The following FOXN2 variants were observed in gnomAD, a reference collection of about 807,000 sequenced individuals.
The protein encoded by FOXN2 is forkhead box N2, also known as forkhead box protein N2.
A neutral mutation model predicts 41.2 loss-of-function variants in FOXN2; 19 were observed. The ratio of observed to expected loss-of-function variants is 0.46; its 90% confidence interval spans 0.32 to 0.68. FOXN2 has a LOEUF of 0.68. Among genes scored for constraint, FOXN2 ranks in the 30% least tolerant of loss-of-function variants. FOXN2 has a pLI of 0.03. For synonymous variants in FOXN2, 195 were observed against 176.8 expected, an observed-to-expected ratio of 1.10 and a Z score of -0.82; for missense variants, 587 against 509.4, an observed-to-expected ratio of 1.15 and a Z score of -1.47.
At chr2:48,314,013 CGTAA>C (rs1296434068), upstream of FOXN2, among the ~76,000 whole-genome samples, 1 of 152,166 alleles carries the variant, frequency 6.6e-6, no homozygotes, top group Non-Finnish European at 1.5e-5. Flanking sequence ...GGATTTGATC[CGTAA>C]GTCTTTTTTT....
Position 48,346,230 on chromosome 2 carries a change from G to A in FOXN2, c.16G>A (p.Gly6Arg), listed in dbSNP as rs1158294610. 1.9e-6 allele frequency: 3 copies of A among 1,606,788 alleles called. No individual in the cohort carries two copies. Among genetic ancestry groups the A allele is most frequent in the Non-Finnish European group, 1.7e-6 (2 of 1,177,140 alleles). MGPVI[G>R]MTPDKRAETP... ...GTAAGAGTAAATGGGTCCAGTAATT[G>A]GAATGACTCCAGATAAGAGAGCTGA... Residue 6 changes from glycine (G) to arginine (R), a missense_variant, in exon 3 of 7, where the codon GGA becomes AGA. Transcript: ENST00000340553.
Position 48,357,676 on chromosome 2 carries a change from A to G in FOXN2, c.538-1371A>G, listed in dbSNP as rs113111646. Among the ~76,000 whole-genome samples, 1,451 of 151,998 alleles carry G rather than the reference A, an allele frequency of 9.5e-3. 28 individuals carry two copies. Among genetic ancestry groups the G allele is most frequent in the African/African-American group, 0.029 (1,182 of 41,456 alleles). The stretch of plus-strand genomic sequence containing the variant: ...GCTCTTGAACTCCTGAGCACAAGCA[A>G]TCACCTTCGCCGGCTTCCCAAAGTG... On this transcript the variant is annotated intron_variant, in intron 3 of 6. Transcript: ENST00000340553.
intron 2 of FOXN2, among the ~76,000 whole-genome samples, chr2:48,330,911 T>C (rs1244591897): frequency 6.6e-6 from 1 of 152,118 alleles, no homozygotes; most frequent in African/African-American, 2.4e-5. Context: ...TGCCATATAG[T>C]TTGAGGTTAA....
rs150216933 is a variant in FOXN2 at position 48,372,263 on chromosome 2, A to C, written c.704-1029A>C. Among the ~76,000 whole-genome samples, 21 of 152,328 alleles carry C rather than the reference A, an allele frequency of 1.4e-4. No individual in the cohort carries two copies. The East Asian group carries it at 3.9e-3, about 28-fold the overall frequency. On this transcript the variant is annotated intron_variant, in intron 5 of 6. Transcript: ENST00000340553. ...TTTACTTAAGCCTGTTAGTGTTATC[A>C]ATAACAACAGCATTTCCTACCTTAA...
intron 2 of FOXN2, among the ~76,000 whole-genome samples, chr2:48,343,984 G>T (rs1189697484): frequency 1.3e-5 from 2 of 152,172 alleles, no homozygotes; most frequent in Admixed American, 1.3e-4. Flanking sequence ...TAAGTGACAA[G>T]GCAAAAGTGA....
chr2:48,364,071 A>C (rs527889647), intron 5 of FOXN2, among the ~76,000 whole-genome samples: 1 of 152,276 alleles, frequency 6.6e-6, no homozygotes, highest in East Asian at 1.9e-4. Context: ...AATTCATAAA[A>C]AATTCAGATA....
Position 48,359,112 on chromosome 2 carries a change from G to C in FOXN2, c.603G>C (p.Leu201=). The C allele has an allele frequency of 5.6e-6, 9 of 1,613,758 alleles. No individual in the cohort carries two copies. The highest frequency in any genetic ancestry group is 7.6e-6 in the Non-Finnish European group (9 of 1,179,804). The part of the protein sequence containing the change: ...PEYKPNLIQA[L]KKQPFSSASS... ...ATAAACCCAATCTTATCCAGGCACTGAAGAAGCAACCTTTTTCTTCAGCAT... is the reference window on the plus strand; with the variant it reads ...ATAAACCCAATCTTATCCAGGCACTCAAGAAGCAACCTTTTTCTTCAGCAT... The change falls in exon 4 of 7, where the codon CTG becomes CTC. Residue 201 remains leucine (L), a synonymous_variant. Transcript: ENST00000340553.
At chr2:48,347,533 TTGTGTGTGTGTGTG>T (rs113177559) in intron 3 of FOXN2, among the ~76,000 whole-genome samples, 2 of 148,020 alleles carry the variant, frequency 1.4e-5, no homozygotes, top group Non-Finnish European at 3.0e-5. Flanking sequence ...AGCCGAGGTG[TTGTGTGTGTGTGTG>T]TGTGTGTGTG....
intron 5 of FOXN2, among the ~76,000 whole-genome samples, chr2:48,370,920 C>A (rs549811410): frequency 6.6e-6 from 1 of 152,094 alleles, no homozygotes; most frequent in Non-Finnish European, 1.5e-5. Flanking sequence ...GTAGTTTTAT[C>A]GTTTCAGTTC....
intron 3 of FOXN2, among the ~76,000 whole-genome samples, chr2:48,348,072 G>T (rs1031315720): frequency 6.6e-6 from 1 of 151,852 alleles, no homozygotes; most frequent in African/African-American, 2.4e-5. Context: ...TGGGTTCTCA[G>T]TGGTTCTTAA....
chr2:48,328,662 A>G lies in FOXN2; in HGVS notation c.-55A>G, dbSNP rs1669837625. 1 of 152,202 alleles carries G rather than the reference A, an allele frequency of 6.6e-6. No homozygotes were observed. The highest frequency in any genetic ancestry group is 2.1e-4 in the South Asian group (1 of 4,836). 9.4% of individuals were successfully genotyped at this position (152,202 alleles called of 1,614,324 possible). ...TGGTTGGCTAATAATTGGTCACTGT[A>G]TGACTTATAGTACAGGTGATATTAC... On this transcript the variant is annotated 5_prime_UTR_variant, in exon 2 of 7. An upstream start codon of the reference 5' UTR is lost. Transcript: ENST00000340553.
At chr2:48,361,591 G>C (rs915270954) in intron 4 of FOXN2, among the ~76,000 whole-genome samples, 6 of 152,024 alleles carry the variant, frequency 3.9e-5, no homozygotes, top group African/African-American at 1.4e-4. Flanking sequence ...AGTTCCATCT[G>C]ACATGCTTTT....
intron 6 of FOXN2, among the ~76,000 whole-genome samples, chr2:48,373,916 G>A (rs1673067125): frequency 6.6e-6 from 1 of 151,988 alleles, no homozygotes; most frequent in Admixed American, 6.6e-5. Flanking sequence ...TTAGCCAGAT[G>A]TGGTGGTGCA....
chr2:48,314,914 A>G (rs1227644724), intron 1 of FOXN2, 100 bp downstream of exon 1: 1 of 151,786 alleles, frequency 6.6e-6, no homozygotes, highest in Non-Finnish European at 1.5e-5. Context: ...GACCCGCGCC[A>G]GGCGTGGGGC....
rs1393709621 is a variant in FOXN2 at position 48,348,476 on chromosome 2, C to T, written c.537+1725C>T. Among the ~76,000 whole-genome samples the T allele has an allele frequency of 2.6e-5, 4 of 151,832 alleles. No homozygotes were observed. In the East Asian group the frequency reaches 5.8e-4, roughly 22 times the overall value. Reference sequence around the variant, plus strand: ...TGTCTGTCAGTTTCAATATCTGGTCCATCTCTGGATCTGGTTTTGCTGACT... The same window carrying T: ...TGTCTGTCAGTTTCAATATCTGGTCTATCTCTGGATCTGGTTTTGCTGACT... On this transcript the variant is annotated intron_variant, in intron 3 of 6. Coordinates refer to ENST00000340553, the MANE Select transcript of FOXN2 (RefSeq NM_002158.4).
At chr2:48,362,184 A>G (rs764093088) in intron 4 of FOXN2, among the ~76,000 whole-genome samples, 10 of 152,218 alleles carry the variant, frequency 6.6e-5, no homozygotes, top group Admixed American at 2.6e-4. Context: ...CAGACTTTCT[A>G]AATTGAGTAG....
chr2:48,354,214 A>G (rs1342308820), intron 3 of FOXN2, among the ~76,000 whole-genome samples: 3 of 152,238 alleles, frequency 2.0e-5, no homozygotes, highest in Non-Finnish European at 2.9e-5. Flanking sequence ...AATGGCCAAC[A>G]GTGTCAAATG....
chr2:48,355,793 C>T (rs889463659), intron 3 of FOXN2, among the ~76,000 whole-genome samples: 2 of 152,166 alleles, frequency 1.3e-5, no homozygotes, highest in Admixed American at 6.5e-5. Flanking sequence ...GCTGATACAG[C>T]TGCTGATTAA....
intron 1 of FOXN2, among the ~76,000 whole-genome samples, chr2:48,321,075 T>C (rs1669283344): frequency 6.6e-6 from 1 of 152,184 alleles, no homozygotes; most frequent in Admixed American, 6.5e-5. Context: ...GCATCTACTA[T>C]ATTTATTCAT....
Sources: allele counts gnomAD v4.1 joint callset (sites outside exome capture counted in the v4.1 genomes callset), GRCh38; gene constraint gnomAD v4.1.1; transcripts MANE v1.5; gene names NCBI Gene and HGNC (gene_info 2026-07-23, HGNC 2026-07-21).